Variants in RXFP1 observed in about 807,000 individuals in gnomAD.
The protein encoded by RXFP1 is relaxin receptor 1.
A neutral mutation model predicts 89.8 loss-of-function variants in RXFP1; 73 were observed. The observed-to-expected ratio is 0.81, with a 90% CI of 0.67 to 0.99. The LOEUF (loss-of-function observed/expected upper bound fraction) is 0.99. RXFP1 is among the 50% of genes least tolerant of loss of function. RXFP1 has a pLI of 0.00. For missense variants in RXFP1, 793 were observed against 895.5 expected, an observed-to-expected ratio of 0.89 and a Z score of 1.46; for synonymous variants, 277 against 305.5, an observed-to-expected ratio of 0.91 and a Z score of 0.97.
At chr4:158,599,270 C>G (rs766356850) in intron 3 of RXFP1, 56 bp from the exon 4 acceptor site, 120 of 1,607,152 alleles carry the variant, frequency 7.5e-5, no homozygotes, top group Admixed American at 1.2e-4. Flanking sequence ...TTTTCATTAC[C>G]CTCCTCTTCC....
chr4:158,542,092 TATATATATA>T (rs1746841525), intron 1 of RXFP1, among the ~76,000 whole-genome samples: 4 of 37,150 alleles, frequency 1.1e-4, no homozygotes, highest in Admixed American at 4.4e-4. Flanking sequence ...TATATATATA[TATATATATA>T]TATATATATT....
chr4:158,613,709 T>C (rs1763986244), intron 8 of RXFP1, among the ~76,000 whole-genome samples: 1 of 152,230 alleles, frequency 6.6e-6, no homozygotes, highest in Non-Finnish European at 1.5e-5. Flanking sequence ...AAGTCACCCA[T>C]GAGGGTTGGA....
intron 1 of RXFP1, among the ~76,000 whole-genome samples, chr4:158,564,520 G>T (rs557757003): frequency 1.2e-4 from 18 of 152,310 alleles, no homozygotes; most frequent in African/African-American, 4.3e-4. Context: ...AAGCCAGAGA[G>T]ACTCCATGAC....
At chr4:158,545,042 G>C (rs1035268166) in intron 1 of RXFP1, among the ~76,000 whole-genome samples, 6 of 151,484 alleles carry the variant, frequency 4.0e-5, no homozygotes, top group African/African-American at 7.3e-5. Context: ...CACAATGGTT[G>C]AACTAGTTTA....
chr4:158,631,364 A>G (rs1767991794), intron 11 of RXFP1, among the ~76,000 whole-genome samples: 1 of 152,254 alleles, frequency 6.6e-6, no homozygotes, highest in Non-Finnish European at 1.5e-5. Context: ...GTGTATTCAT[A>G]GTCTTCTAAC....
At chr4:158,641,423 A>G (rs957639375) in intron 14 of RXFP1, among the ~76,000 whole-genome samples, 1 of 152,210 alleles carries the variant, frequency 6.6e-6, no homozygotes, top group Non-Finnish European at 1.5e-5. Flanking sequence ...GGAAATCAGA[A>G]CACTATTATC....
chr4:158,522,213 T>A (rs1741344630), intron 1 of RXFP1, among the ~76,000 whole-genome samples, 188 bp downstream of exon 1: 1 of 152,206 alleles, frequency 6.6e-6, no homozygotes, highest in Non-Finnish European at 1.5e-5. Context: ...TAATATCTTA[T>A]CATAGTCAAT....
intron 1 of RXFP1, among the ~76,000 whole-genome samples, chr4:158,566,444 A>G (rs1268143192): frequency 1.3e-5 from 2 of 151,978 alleles, no homozygotes; most frequent in East Asian, 1.9e-4. Flanking sequence ...GCTCACTGCA[A>G]CCTCCACCTT....
At chr4:158,579,712 G>A (rs531780239) in intron 2 of RXFP1, among the ~76,000 whole-genome samples, 6 of 152,328 alleles carry the variant, frequency 3.9e-5, no homozygotes, top group African/African-American at 1.4e-4. Context: ...TTCTGGTCCA[G>A]ATTAAAGCAA....
chr4:158,602,175 A>ATAG (rs1761809944), intron 4 of RXFP1, among the ~76,000 whole-genome samples: 1 of 152,330 alleles, frequency 6.6e-6, no homozygotes, highest in East Asian at 1.9e-4. Context: ...TTCTATCCCA[A>ATAG]TAGGATATTG....
intron 1 of RXFP1, among the ~76,000 whole-genome samples, chr4:158,547,797 G>A (rs7694443): frequency 0.72 from 109,732 of 152,062 alleles, 43,515 homozygotes; most frequent in East Asian, 0.97. Flanking sequence ...TAGTTTGATC[G>A]CACTGTGGTC....
chr4:158,611,483 T>G (rs1158609309), intron 6 of RXFP1, among the ~76,000 whole-genome samples: 1 of 152,210 alleles, frequency 6.6e-6, no homozygotes, highest in East Asian at 1.9e-4. Context: ...CTGTCTCTCC[T>G]TATAGCCCCT....
At chr4:158,636,682 T>C (rs1010884142) in intron 12 of RXFP1, among the ~76,000 whole-genome samples, 1 of 152,234 alleles carries the variant, frequency 6.6e-6, no homozygotes, top group African/African-American at 2.4e-5. Context: ...TTTTGAAATA[T>C]GTATACATTG....
chr4:158,648,804 T>G, intron 17 of RXFP1, 87 bp downstream of exon 17: 1 of 819,512 alleles, frequency 1.2e-6, no homozygotes, highest in Non-Finnish European at 1.9e-6. Context: ...TTCTTAACAC[T>G]AAACAATTCA....
intron 1 of RXFP1, chr4:158,544,090 G>A: frequency 2.0e-6 from 2 of 980,688 alleles, no homozygotes; most frequent in Non-Finnish European, 2.4e-6. Flanking sequence ...GAACTAACAA[G>A]AGAACCATCT....
intron 1 of RXFP1, among the ~76,000 whole-genome samples, chr4:158,523,171 C>T (rs1390715436): frequency 6.6e-6 from 1 of 152,088 alleles, no homozygotes; most frequent in African/African-American, 2.4e-5. Flanking sequence ...TTGCAAACCA[C>T]CATAAAAAAT....
intron 1 of RXFP1, among the ~76,000 whole-genome samples, chr4:158,532,190 G>A (rs779118738): frequency 8.6e-5 from 13 of 150,416 alleles, no homozygotes; most frequent in African/African-American, 1.5e-4. Context: ...AACATGTAGC[G>A]TTTGTTTTTC....
At chr4:158,626,501 T>A (rs1414365571) in intron 9 of RXFP1, among the ~76,000 whole-genome samples, 1 of 152,156 alleles carries the variant, frequency 6.6e-6, no homozygotes, top group East Asian at 1.9e-4. Flanking sequence ...GAAATATCGG[T>A]TAATAAATTA....
chr4:158,617,206 G>A lies in RXFP1; in HGVS notation c.755+1G>A, dbSNP rs771941576. 2.5e-6 allele frequency: 4 copies of A among 1,596,692 alleles called. No individual in the cohort carries two copies. The highest frequency in any genetic ancestry group is 3.4e-6 in the Non-Finnish European group (4 of 1,168,846). ...AACACATGCCAAGACTACATTGGCT[G>A]TAAGCGATTCTGTCTTTTTTTAAAG... On this transcript the variant is annotated splice_donor_variant, in intron 9 of 17. Coordinates refer to ENST00000307765, the MANE Select transcript of RXFP1 (RefSeq NM_021634.4). LOFTEE classifies it high-confidence loss of function.
Sources: allele counts gnomAD v4.1 joint callset (sites outside exome capture counted in the v4.1 genomes callset), GRCh38; gene constraint gnomAD v4.1.1; transcripts MANE v1.5; gene names NCBI Gene and HGNC (gene_info 2026-07-23, HGNC 2026-07-21).